Variants in FOXP2 observed in about 807,000 individuals in gnomAD.
FOXP2 encodes the protein forkhead box protein P2.
In FOXP2, 12 loss-of-function variants were observed where a neutral mutation model predicts 115.8. That is an observed-to-expected ratio of 0.10 (90% CI 0.07 to 0.17). The LOEUF (loss-of-function observed/expected upper bound fraction) is 0.17. Ranked by LOEUF, FOXP2 falls within the 10% of genes least tolerant of loss-of-function variation. The probability of loss-of-function intolerance (pLI) is 1.00; values close to 1 mark genes in which losing one functional copy is unlikely to be tolerated. For missense variants in FOXP2, 629 were observed against 843.5 expected (o/e 0.75, Z 3.15); for synonymous variants, 328 against 297.7 (o/e 1.10, Z -1.05).
chr7:114,658,646 G>A (rs1337839104), intron 11 of FOXP2, among the ~76,000 whole-genome samples: 1 of 152,178 alleles, frequency 6.6e-6, no homozygotes, highest in East Asian at 1.9e-4. Flanking sequence ...CTTTATGCAA[G>A]ACAGTTCGAG....
chr7:114,344,161 A>G (rs532293304), intron 2 of FOXP2, among the ~76,000 whole-genome samples: 21 of 151,848 alleles, frequency 1.4e-4, no homozygotes, highest in South Asian at 1.2e-3. Context: ...ACTATACAAC[A>G]TGTTGATTAC....
intron 3 of FOXP2, among the ~76,000 whole-genome samples, chr7:114,598,689 C>T (rs146569683): frequency 6.6e-6 from 1 of 152,042 alleles, no homozygotes; most frequent in Non-Finnish European, 1.5e-5. Flanking sequence ...GTTGTGCAAC[C>T]AGTCTCCAGA....
chr7:114,086,407 C>CCGCCCGCGAA (rs1321322520), upstream of FOXP2: 1 of 350,348 alleles, frequency 2.9e-6, no homozygotes. Flanking sequence ...CACCCGCAGC[C>CCGCCCGCGAA]CGCCCGCGAA....
At chr7:114,398,561 C>T (rs574498829) in intron 2 of FOXP2, among the ~76,000 whole-genome samples, 2 of 152,262 alleles carry the variant, frequency 1.3e-5, no homozygotes, top group African/African-American at 4.8e-5. Flanking sequence ...CATTTAAATT[C>T]GGTAACAAGT....
chr7:114,476,493 A>T (rs1025541157), intron 2 of FOXP2, among the ~76,000 whole-genome samples: 1 of 152,084 alleles, frequency 6.6e-6, no homozygotes, highest in Admixed American at 6.6e-5. Context: ...CTGTTTTTAT[A>T]TCAGTACCAT....
chr7:114,608,149 C>T (rs1803430964), intron 3 of FOXP2, among the ~76,000 whole-genome samples: 1 of 152,174 alleles, frequency 6.6e-6, no homozygotes, highest in African/African-American at 2.4e-5. Context: ...TGCTATATTG[C>T]CAGGTCCCAC....
intron 3 of FOXP2, among the ~76,000 whole-genome samples, chr7:114,548,557 A>G (rs1156348678): frequency 6.6e-6 from 1 of 152,224 alleles, no homozygotes; most frequent in Non-Finnish European, 1.5e-5. Context: ...TTTGTTTTCT[A>G]GGAAAATTTA....
intron 1 of FOXP2, among the ~76,000 whole-genome samples, chr7:114,281,964 A>G (rs1186924882): frequency 6.6e-6 from 1 of 152,170 alleles, no homozygotes; most frequent in Non-Finnish European, 1.5e-5. Flanking sequence ...GCAAGAATAA[A>G]GCTTACATAG....
chr7:114,143,187 A>AATT (rs1427937766), intron 1 of FOXP2, among the ~76,000 whole-genome samples: 2 of 149,434 alleles, frequency 1.3e-5, no homozygotes, highest in Non-Finnish European at 1.5e-5. Context: ...TAATAATAAT[A>AATT]GCCTACTTCC....
chr7:114,180,934 A>C (rs972586932), intron 1 of FOXP2, among the ~76,000 whole-genome samples: 1 of 151,898 alleles, frequency 6.6e-6, no homozygotes, highest in Non-Finnish European at 1.5e-5. Context: ...AAAATGAGTA[A>C]TTTTTATTTT....
At chr7:114,437,676 A>G (rs144980380) in intron 2 of FOXP2, among the ~76,000 whole-genome samples, 1 of 152,308 alleles carries the variant, frequency 6.6e-6, no homozygotes, top group African/African-American at 2.4e-5. Context: ...TTTTCCTCAT[A>G]TGGTTTTTAA....
chr7:114,397,626 A>G (rs1354093104), intron 2 of FOXP2, among the ~76,000 whole-genome samples: 2 of 152,180 alleles, frequency 1.3e-5, no homozygotes, highest in African/African-American at 4.8e-5. Flanking sequence ...AAACAATAAG[A>G]AAATTAATAT....
chr7:114,650,318 T>C (rs1048267455), intron 8 of FOXP2, among the ~76,000 whole-genome samples: 1 of 152,122 alleles, frequency 6.6e-6, no homozygotes, highest in African/African-American at 2.4e-5. Context: ...CTTATCTTGC[T>C]TCCTGCATTT....
At position 114,124,264 on chromosome 7, in the gene FOXP2, T is replaced by C. The variant is rs372451150; in HGVS notation, c.-247+36426T>C. On this transcript the variant is annotated intron_variant, in intron 1 of 19. Coordinates refer to the FOXP2 transcript ENST00000635638. ...TTACAAGCATAACTAGGATGTTCAA[T>C]AAATTTAGGGGCATTTTCATATTAA... Among the ~76,000 whole-genome samples the C allele has an allele frequency of 2.6e-5, 4 of 152,200 alleles. No homozygotes were observed. In the East Asian group the frequency reaches 7.7e-4, roughly 29 times the overall value.
Position 114,474,412 on chromosome 7 carries a change from C to T in FOXP2, c.168+47733C>T, listed in dbSNP as rs1385833955. On this transcript the variant is annotated intron_variant, in intron 2 of 16. Coordinates refer to ENST00000350908, the MANE Select transcript of FOXP2 (RefSeq NM_014491.4). ...AAATGAATGAGAAAAAGAAAACTTTCCTACAGCCTAGTATTAGATCCATAT... is the reference window on the plus strand; with the variant it reads ...AAATGAATGAGAAAAAGAAAACTTTTCTACAGCCTAGTATTAGATCCATAT... 3.3e-5 allele frequency among the ~76,000 whole-genome samples: 5 copies of T among 152,140 alleles called. No individual in the cohort carries two copies. The East Asian group carries it at 9.6e-4, about 29-fold the overall frequency.
chr7:114,635,359 A>G (rs1447646630), intron 6 of FOXP2, among the ~76,000 whole-genome samples: 1 of 152,156 alleles, frequency 6.6e-6, no homozygotes, highest in African/African-American at 2.4e-5. Flanking sequence ...CAATATGAAC[A>G]ATCCATGTCA....
At chr7:114,431,249 C>T (rs2129207344) in intron 2 of FOXP2, among the ~76,000 whole-genome samples, 1 of 152,030 alleles carries the variant, frequency 6.6e-6, no homozygotes, top group African/African-American at 2.4e-5. Flanking sequence ...TCAATCCTTT[C>T]ACATTTGTTA....
chr7:114,445,517 T>A (rs980259429), intron 2 of FOXP2, among the ~76,000 whole-genome samples: 5 of 152,184 alleles, frequency 3.3e-5, no homozygotes, highest in Non-Finnish European at 5.9e-5. Flanking sequence ...AATCAAAGAT[T>A]GTAGAATAAA....
chr7:114,133,612 C>T (rs1191087384), intron 1 of FOXP2, among the ~76,000 whole-genome samples: 4 of 152,064 alleles, frequency 2.6e-5, no homozygotes, highest in African/African-American at 9.7e-5. Context: ...GAAAGTTGAT[C>T]CCCTATGTAG....
Sources: allele counts gnomAD v4.1 joint callset (sites outside exome capture counted in the v4.1 genomes callset), GRCh38; gene constraint gnomAD v4.1.1; transcripts MANE v1.5; gene names NCBI Gene and HGNC (gene_info 2026-07-23, HGNC 2026-07-21).